Variants in DNAH3 observed in about 807,000 individuals in gnomAD.
DNAH3 encodes the protein dynein axonemal heavy chain 3.
Under a neutral mutation model 432.5 loss-of-function variants are expected in DNAH3, and 332 were observed. The observed-to-expected ratio is 0.77, with a 90% CI of 0.70 to 0.84. DNAH3 has a LOEUF of 0.84. Among genes scored for constraint, DNAH3 ranks in the 40% least tolerant of loss-of-function variants. The pLI is 0.00. For missense variants in DNAH3, 4,861 were observed against 5,114.0 expected (o/e 0.95, Z 1.51); for synonymous variants, 1,956 against 1,900.2 (o/e 1.03, Z -0.76).
At chr16:21,026,181 T>C (rs997754506) in intron 38 of DNAH3, among the ~76,000 whole-genome samples, 2 of 152,122 alleles carry the variant, frequency 1.3e-5, no homozygotes, top group African/African-American at 2.4e-5. Flanking sequence ...GGCTGGCTCT[T>C]GGGCATACGG....
At chr16:20,941,841 T>C (rs1364658284) in intron 58 of DNAH3, among the ~76,000 whole-genome samples, 1 of 152,106 alleles carries the variant, frequency 6.6e-6, no homozygotes, top group Non-Finnish European at 1.5e-5. Context: ...GTGGATCGCT[T>C]GAGTCCAGGA....
chr16:21,066,814 A>G (rs1224662649), intron 24 of DNAH3, among the ~76,000 whole-genome samples: 3 of 152,188 alleles, frequency 2.0e-5, no homozygotes, highest in African/African-American at 7.2e-5. Flanking sequence ...TTAAACACAT[A>G]GGCTAGGTGC....
chr16:21,057,584 G>C (rs2152748655), intron 27 of DNAH3, among the ~76,000 whole-genome samples: 1 of 152,342 alleles, frequency 6.6e-6, no homozygotes, highest in Middle Eastern at 3.4e-3. Context: ...TAACAGTCAA[G>C]CATTGGCATC....
chr16:20,973,558 T>C (rs1340262281), intron 51 of DNAH3, among the ~76,000 whole-genome samples: 1 of 152,214 alleles, frequency 6.6e-6, no homozygotes, highest in African/African-American at 2.4e-5. Flanking sequence ...CGGCCCTATC[T>C]GTCATTCTGA....
intron 57 of DNAH3, among the ~76,000 whole-genome samples, chr16:20,946,506 A>G (rs987096886): frequency 1.3e-4 from 20 of 152,188 alleles, no homozygotes; most frequent in Non-Finnish European, 2.2e-4. Flanking sequence ...ATGGTCACTC[A>G]TATTTGGCTC....
intron 41 of DNAH3, 65 bp from the exon 42 acceptor site, chr16:21,003,272 G>A (rs2087118906): frequency 9.3e-7 from 1 of 1,071,304 alleles, no homozygotes. Context: ...CCATATTTGA[G>A]GATTTTAAGT....
intron 51 of DNAH3, among the ~76,000 whole-genome samples, chr16:20,970,859 TA>T (rs1426145341): frequency 3.4e-5 from 5 of 145,050 alleles, no homozygotes; most frequent in African/African-American, 1.3e-4. Flanking sequence ...TTCTTTTCTC[TA>T]TTCTTTTTTT....
intron 27 of DNAH3, among the ~76,000 whole-genome samples, chr16:21,056,358 C>T (rs1477187414): frequency 6.6e-6 from 1 of 151,312 alleles, no homozygotes; most frequent in African/African-American, 2.4e-5. Context: ...CTCTCTTACT[C>T]TTTCCTTCCT....
At position 20,941,382 on chromosome 16, in the gene DNAH3, G is replaced by T. The variant is rs549820565; in HGVS notation, c.11654+19C>A. On this transcript the variant is annotated intron_variant, in intron 59 of 61. Transcript: ENST00000261383. ...TCACGTTCCAACTCCCAGGATTCAA[G>T]CTACATCATCTGGCCCACCTGTTGA... 5.0e-6 allele frequency: 8 copies of T among 1,613,430 alleles called. No homozygotes were observed. In the Admixed American group the frequency reaches 1.2e-4, roughly 24 times the overall value.
intron 35 of DNAH3, among the ~76,000 whole-genome samples, chr16:21,036,191 C>T (rs1366004649): frequency 6.6e-6 from 1 of 151,920 alleles, no homozygotes; most frequent in Non-Finnish European, 1.5e-5. Context: ...TGGGGGGTGG[C>T]GGCACGCACC....
chr16:21,097,110 ATC>A (rs2091704245), intron 18 of DNAH3, among the ~76,000 whole-genome samples: 1 of 152,054 alleles, frequency 6.6e-6, no homozygotes, highest in Non-Finnish European at 1.5e-5. Context: ...CCATCTGCAA[ATC>A]TAAGTCGTGA....
intron 51 of DNAH3, among the ~76,000 whole-genome samples, chr16:20,974,962 A>G (rs2085515749): frequency 7.0e-6 from 1 of 142,438 alleles, no homozygotes. Context: ...CGGATTACAG[A>G]TGCACGCCAC....
At chr16:21,099,233 C>CATGGATGGATGG (rs111518786) in intron 16 of DNAH3, among the ~76,000 whole-genome samples, 13,915 of 149,722 alleles carry the variant, frequency 0.093, 689 homozygotes, top group South Asian at 0.13. Context: ...AGACAATAGA[C>CATGGATGGATGG]ATGGATGGAT....
intron 36 of DNAH3, among the ~76,000 whole-genome samples, chr16:21,032,165 T>C (rs1377978131): frequency 6.6e-6 from 1 of 152,144 alleles, no homozygotes; most frequent in Non-Finnish European, 1.5e-5. Flanking sequence ...CCTTGGCTTT[T>C]CAAACTCAAA....
intron 40 of DNAH3, among the ~76,000 whole-genome samples, chr16:21,020,341 AGT>A (rs1196037950): frequency 3.3e-5 from 2 of 60,442 alleles, no homozygotes; most frequent in East Asian, 3.7e-4. Context: ...ATAATAATAT[AGT>A]GTGTGTATAT....
At chr16:21,104,384 G>C in intron 16 of DNAH3, 87 bp downstream of exon 16, 1 of 1,166,132 alleles carries the variant, frequency 8.6e-7, no homozygotes, top group Non-Finnish European at 1.3e-6. Context: ...AGTGAGCTGG[G>C]GGATGGCTTA....
intron 1 of DNAH3, 83 bp from the exon 2 acceptor site, chr16:21,150,617 T>G (rs773467204): frequency 5.2e-6 from 1 of 192,524 alleles, no homozygotes; most frequent in Admixed American, 5.4e-5. Context: ...TGGTTCCTAG[T>G]CCCCCAGCGG....
chr16:20,987,971 G>A (rs757626073), exon 45 of DNAH3: 44 of 1,614,014 alleles, frequency 2.7e-5, no homozygotes, highest in Non-Finnish European at 3.5e-5. Flanking sequence ...ACCCTTTCCC[G>A]AAGTGCCAGT....
chr16:21,070,039 T>A (rs1423670325), intron 22 of DNAH3, among the ~76,000 whole-genome samples: 1 of 152,160 alleles, frequency 6.6e-6, no homozygotes, highest in Non-Finnish European at 1.5e-5. Flanking sequence ...ACCCAGGTAA[T>A]CTGGCTTCAG....
Sources: gnomAD v4.1 joint callset for allele counts (sites outside exome capture counted in the v4.1 genomes callset) on GRCh38, gnomAD v4.1.1 for gene constraint, MANE v1.5 for transcripts, NCBI Gene and HGNC (gene_info 2026-07-23, HGNC 2026-07-21) for gene names.